Variants in TCERG1L observed in about 807,000 individuals in gnomAD.
TCERG1L encodes the protein transcription elongation regulator 1 like.
In TCERG1L, 37 loss-of-function variants were observed where a neutral mutation model predicts 56.3. The observed-to-expected ratio is 0.66, with a 90% CI of 0.51 to 0.87. TCERG1L has a LOEUF of 0.87. Ranked by LOEUF, TCERG1L falls within the 40% of genes least tolerant of loss-of-function variation. The pLI is 0.00. For synonymous variants in TCERG1L, 324 were observed against 326.3 expected (o/e 0.99, Z 0.08); for missense variants, 799 against 774.2 (o/e 1.03, Z -0.38).
chr10:131,171,930 A>C (rs1846097370), intron 4 of TCERG1L, among the ~76,000 whole-genome samples: 1 of 152,258 alleles, frequency 6.6e-6, no homozygotes, highest in South Asian at 2.1e-4. Context: ...AAAATAAAGA[A>C]CTACTCTAGG....
In TCERG1L at chr10:131,103,077, G is replaced by A. The variant is rs1845319362; in HGVS notation, c.1485+1188C>T. Among the ~76,000 whole-genome samples, 1 of 151,890 alleles carries A rather than the reference G, an allele frequency of 6.6e-6. No individual in the cohort carries two copies. Among genetic ancestry groups the A allele is most frequent in the Admixed American group, 6.6e-5 (1 of 15,254 alleles). On this transcript the variant is annotated intron_variant, in intron 10 of 11. Coordinates refer to ENST00000368642, the MANE Select transcript of TCERG1L (RefSeq NM_174937.4). The surrounding 1 kb of genome is among the most constrained non-coding windows in gnomAD (Gnocchi z 4.3). ...CTCCACCCTTCACTGTGCTGCTAGTGTTCTCTGGACCACTCCTATTTCATC... is the reference window on the plus strand; with the variant it reads ...CTCCACCCTTCACTGTGCTGCTAGTATTCTCTGGACCACTCCTATTTCATC...
In TCERG1L at chr10:131,199,684, C is replaced by T. The variant is rs191622488; in HGVS notation, c.857-32799G>A. Among the ~76,000 whole-genome samples the T allele has an allele frequency of 4.0e-3, 604 of 152,310 alleles. 2 individuals are homozygous for T. Among genetic ancestry groups the T allele is most frequent in the African/African-American group, 0.013 (534 of 41,576 alleles). On this transcript the variant is annotated intron_variant, in intron 4 of 11. Coordinates refer to ENST00000368642, the MANE Select transcript of TCERG1L (RefSeq NM_174937.4). Reference sequence around the variant, plus strand: ...TAATTACTTCTTGAAGCCACCTGCTCTGTGGGGTCTCAACTGACAACAAGC... The same window carrying T: ...TAATTACTTCTTGAAGCCACCTGCTTTGTGGGGTCTCAACTGACAACAAGC...
intron 8 of TCERG1L, among the ~76,000 whole-genome samples, chr10:131,131,189 C>T (rs763919520): frequency 2.0e-5 from 3 of 152,136 alleles, no homozygotes; most frequent in Non-Finnish European, 4.4e-5. Context: ...GATGCTCAGG[C>T]GTTCATTCTT....
chr10:131,218,675 G>A (rs1564818428), intron 4 of TCERG1L, among the ~76,000 whole-genome samples: 1 of 152,168 alleles, frequency 6.6e-6, no homozygotes, highest in Non-Finnish European at 1.5e-5. Context: ...GACTGGAGAT[G>A]AAAGGAGGGA....
intron 3 of TCERG1L, among the ~76,000 whole-genome samples, chr10:131,266,778 G>T (rs185618207): frequency 1.3e-5 from 2 of 152,206 alleles, no homozygotes; most frequent in Non-Finnish European, 2.9e-5. Context: ...CCTTGGAGAG[G>T]GTAGCTCCTC....
At chr10:131,182,206 G>A (rs1258537928) in intron 4 of TCERG1L, among the ~76,000 whole-genome samples, 1 of 152,230 alleles carries the variant, frequency 6.6e-6, no homozygotes, top group Non-Finnish European at 1.5e-5. Context: ...TCTGCCGTGT[G>A]AGTGGGCATG....
At chr10:131,110,230 AC>A (rs1845397584) in intron 9 of TCERG1L, among the ~76,000 whole-genome samples, 1 of 152,224 alleles carries the variant, frequency 6.6e-6, no homozygotes, top group Non-Finnish European at 1.5e-5. Flanking sequence ...GATGCAGACC[AC>A]GCGGGCAAAG....
chr10:131,130,222 A>G (rs914999884), intron 8 of TCERG1L, among the ~76,000 whole-genome samples: 1 of 152,130 alleles, frequency 6.6e-6, no homozygotes, highest in Non-Finnish European at 1.5e-5. Context: ...TCTCCTTTAT[A>G]AAACCATCAG....
At chr10:131,141,842 A>T (rs954801799) in intron 7 of TCERG1L, among the ~76,000 whole-genome samples, 2 of 151,958 alleles carry the variant, frequency 1.3e-5, no homozygotes, top group Non-Finnish European at 2.9e-5. Flanking sequence ...CTGCCCACCC[A>T]GCCTCCCAGC....
intron 6 of TCERG1L, among the ~76,000 whole-genome samples, chr10:131,150,950 T>C (rs2133419384): frequency 6.6e-6 from 1 of 152,244 alleles, no homozygotes; most frequent in African/African-American, 2.4e-5. Flanking sequence ...GCAGGGGAAG[T>C]GCCAGACTCT....
chr10:131,278,489 C>T (rs898250744), intron 3 of TCERG1L, among the ~76,000 whole-genome samples: 1 of 151,994 alleles, frequency 6.6e-6, no homozygotes, highest in African/African-American at 2.4e-5. Context: ...AGGTGCCCAC[C>T]ACGATGCCCA....
intron 4 of TCERG1L, among the ~76,000 whole-genome samples, chr10:131,177,132 GCACA>G (rs921007434): frequency 6.6e-5 from 10 of 151,516 alleles, no homozygotes; most frequent in African/African-American, 2.2e-4. Context: ...ACAGAGATAT[GCACA>G]CACACAGACA....
chr10:131,130,744 C>T (rs1337118620), intron 8 of TCERG1L, among the ~76,000 whole-genome samples: 1 of 152,116 alleles, frequency 6.6e-6, no homozygotes, highest in Non-Finnish European at 1.5e-5. Context: ...ATCTGACAAC[C>T]AGCCTTGTGG....
At chr10:131,240,601 G>A (rs959174012) in intron 4 of TCERG1L, among the ~76,000 whole-genome samples, 4 of 152,174 alleles carry the variant, frequency 2.6e-5, no homozygotes, top group Non-Finnish European at 4.4e-5. Flanking sequence ...TGCTGGAGAC[G>A]GGACAGCACC....
intron 3 of TCERG1L, among the ~76,000 whole-genome samples, chr10:131,263,764 T>C (rs954435667): frequency 6.6e-6 from 1 of 152,228 alleles, no homozygotes; most frequent in African/African-American, 2.4e-5. Flanking sequence ...TCCAGAAGTT[T>C]TGATGCACTA....
chr10:131,094,612 C>G (rs937494488), intron 11 of TCERG1L, among the ~76,000 whole-genome samples: 2 of 152,148 alleles, frequency 1.3e-5, no homozygotes, highest in Non-Finnish European at 2.9e-5. Flanking sequence ...AAGAAAAGCG[C>G]TTCTCTCTGG....
At position 131,270,223 on chromosome 10, in the gene TCERG1L, G is replaced by A. The variant is rs77308075; in HGVS notation, c.671-9779C>T. On this transcript the variant is annotated intron_variant, in intron 3 of 11. Coordinates refer to ENST00000368642, the MANE Select transcript of TCERG1L (RefSeq NM_174937.4). ...AACAGAAGAGTGCCTTTGGGTAGGA[G>A]TTGCCTGAGGATACAAGCCAGGAAG... 5.4e-4 allele frequency among the ~76,000 whole-genome samples: 82 copies of A among 152,328 alleles called. 2 individuals carry two copies. The East Asian group carries it at 0.015, about 28-fold the overall frequency.
intron 8 of TCERG1L, among the ~76,000 whole-genome samples, chr10:131,122,603 A>C (rs1382330902): frequency 6.6e-6 from 1 of 152,202 alleles, no homozygotes; most frequent in African/African-American, 2.4e-5. Context: ...GTCTCACCCC[A>C]TGAGTCTCTT....
At chr10:131,237,367 C>T (rs979873437) in intron 4 of TCERG1L, among the ~76,000 whole-genome samples, 4 of 152,068 alleles carry the variant, frequency 2.6e-5, no homozygotes, top group Admixed American at 6.5e-5. Flanking sequence ...ACCTCATGCC[C>T]GGCATGTGCT....
Sources: allele counts gnomAD v4.1 joint callset (sites outside exome capture counted in the v4.1 genomes callset), GRCh38; gene constraint gnomAD v4.1.1; non-coding constraint Gnocchi (gnomAD v3.1); transcripts MANE v1.5; gene names NCBI Gene and HGNC (gene_info 2026-07-23, HGNC 2026-07-21).